DPYD: variants seen among roughly 807,000 people sequenced by gnomAD.
DPYD encodes the protein dihydropyrimidine dehydrogenase [NADP(+)].
Under a neutral mutation model 116.2 loss-of-function variants are expected in DPYD, and 109 were observed. The ratio of observed to expected loss-of-function variants is 0.94; its 90% CI spans 0.80 to 1.10. The LOEUF (loss-of-function observed/expected upper bound fraction) is 1.10. Ranked by LOEUF, DPYD falls within the 50% of genes least tolerant of loss-of-function variation. The probability of loss-of-function intolerance (pLI) is 0.00; values close to 1 mark genes in which losing one functional copy is unlikely to be tolerated. For synonymous variants in DPYD, 440 were observed against 432.0 expected (o/e 1.02, Z -0.23); for missense variants, 1,302 against 1,254.5 (o/e 1.04, Z -0.57).
intron 20 of DPYD, among the ~76,000 whole-genome samples, chr1:97,118,836 T>G (rs976625721): frequency 3.3e-5 from 5 of 152,194 alleles, no homozygotes; most frequent in Non-Finnish European, 5.9e-5. Flanking sequence ...AAAACTTGTT[T>G]GTTTGTCTTT....
At chr1:97,879,217 T>C (rs1437859556) in intron 2 of DPYD, among the ~76,000 whole-genome samples, 2 of 151,960 alleles carry the variant, frequency 1.3e-5, no homozygotes, top group African/African-American at 2.4e-5. Flanking sequence ...TTAAATAAAT[T>C]ACTTCACAAA....
chr1:97,658,482 G>A (rs1475898827), intron 8 of DPYD, among the ~76,000 whole-genome samples: 1 of 152,030 alleles, frequency 6.6e-6, no homozygotes, highest in Non-Finnish European at 1.5e-5. Flanking sequence ...TTAAAACATC[G>A]TGTAATTCGA....
At chr1:97,878,788 A>G (rs1465811954) in intron 2 of DPYD, among the ~76,000 whole-genome samples, 3 of 151,988 alleles carry the variant, frequency 2.0e-5, no homozygotes, top group African/African-American at 7.2e-5. Flanking sequence ...TCTTCCTTCA[A>G]AAGAGTATTA....
intron 20 of DPYD, among the ~76,000 whole-genome samples, chr1:97,130,836 C>CTCCTTCCTTCCT (rs59350272): frequency 0.068 from 4,361 of 64,300 alleles, 154 homozygotes; most frequent in Non-Finnish European, 0.077. Context: ...TTTCTTCTTT[C>CTCCTTCCTTCCT]TCCTTCCTTC....
intron 1 of DPYD, among the ~76,000 whole-genome samples, chr1:97,901,802 C>T (rs1673382251): frequency 6.6e-6 from 1 of 151,744 alleles, no homozygotes; most frequent in Admixed American, 6.6e-5. Flanking sequence ...GTTCACACAT[C>T]TTGTCTAAAA....
At chr1:97,879,706 G>T (rs530419834) in intron 2 of DPYD, among the ~76,000 whole-genome samples, 5 of 151,924 alleles carry the variant, frequency 3.3e-5, no homozygotes, top group African/African-American at 1.2e-4. Flanking sequence ...CCATTCTTAA[G>T]GCACTTTTAC....
intron 18 of DPYD, among the ~76,000 whole-genome samples, chr1:97,298,955 C>T (rs2101014580): frequency 6.6e-6 from 1 of 152,170 alleles, no homozygotes; most frequent in South Asian, 2.1e-4. Context: ...AGGGTCTGGC[C>T]TTTAGAAAAT....
chr1:97,388,904 G>A (rs1252224152), intron 14 of DPYD, among the ~76,000 whole-genome samples: 1 of 152,068 alleles, frequency 6.6e-6, no homozygotes, highest in Admixed American at 6.6e-5. Context: ...AGTACAAGTG[G>A]AGAAAGTGGG....
chr1:97,463,393 T>C (rs4431878), intron 13 of DPYD, among the ~76,000 whole-genome samples: 122,773 of 152,122 alleles, frequency 0.81, 49,739 homozygotes, highest in East Asian at 0.86. Context: ...GTGAGGCCTC[T>C]CTAGCCATGT....
intron 14 of DPYD, among the ~76,000 whole-genome samples, chr1:97,393,263 ATTG>A (rs1672814568): frequency 6.6e-6 from 1 of 151,348 alleles, no homozygotes; most frequent in East Asian, 2.0e-4. Flanking sequence ...CTTAGAGGCC[ATTG>A]TTGAGTTGTT....
chr1:97,688,556 G>A (rs1276647674), intron 7 of DPYD, among the ~76,000 whole-genome samples: 4 of 151,982 alleles, frequency 2.6e-5, no homozygotes, highest in Non-Finnish European at 4.4e-5. Flanking sequence ...TAAAAAAGAT[G>A]TCTCAAGATA....
chr1:97,348,926 C>T (rs1382309703), intron 16 of DPYD, among the ~76,000 whole-genome samples: 1 of 152,142 alleles, frequency 6.6e-6, no homozygotes, highest in South Asian at 2.1e-4. Flanking sequence ...GAGCTGTCAT[C>T]AGAATTCATG....
chr1:97,477,604 C>CTTCTTTTTT (rs1678043959), intron 13 of DPYD, among the ~76,000 whole-genome samples: 1 of 113,676 alleles, frequency 8.8e-6, no homozygotes, highest in African/African-American at 3.4e-5. Context: ...GACTGTTCTT[C>CTTCTTTTTT]TTTTTTTTTT....
At chr1:97,784,272 TAAA>T (rs71071671) in intron 3 of DPYD, among the ~76,000 whole-genome samples, 10 of 101,252 alleles carry the variant, frequency 9.9e-5, no homozygotes, top group African/African-American at 3.0e-4. Context: ...TTCCTTTTTT[TAAA>T]AAAAAAAATT....
At chr1:97,117,587 G>A (rs1570484969) in intron 20 of DPYD, among the ~76,000 whole-genome samples, 2 of 152,236 alleles carry the variant, frequency 1.3e-5, no homozygotes, top group African/African-American at 2.4e-5. Context: ...TTTTAGTGTC[G>A]CTAGAATGTC....
chr1:97,597,496 T>G (rs1437222634), intron 8 of DPYD, among the ~76,000 whole-genome samples: 1 of 152,210 alleles, frequency 6.6e-6, no homozygotes, highest in African/African-American at 2.4e-5. Context: ...CTGTGAAGGT[T>G]AGGGTTAGAT....
At chr1:97,675,772 C>T (rs1314685109) in intron 8 of DPYD, among the ~76,000 whole-genome samples, 19 of 144,570 alleles carry the variant, frequency 1.3e-4, no homozygotes, top group African/African-American at 2.8e-4. Flanking sequence ...TTTTTGTAGA[C>T]GGAGTCTTGC....
intron 20 of DPYD, among the ~76,000 whole-genome samples, chr1:97,139,514 G>C (rs992396264): frequency 6.6e-6 from 1 of 152,108 alleles, no homozygotes; most frequent in African/African-American, 2.4e-5. Context: ...TCTATTCATG[G>C]ATTTAAAAAA....
chr1:97,329,794 C>T (rs1255236572), intron 16 of DPYD, among the ~76,000 whole-genome samples: 1 of 142,344 alleles, frequency 7.0e-6, no homozygotes, highest in Non-Finnish European at 1.5e-5. Context: ...AGACCCCATG[C>T]ATGAATGGCA....
Sources: allele counts gnomAD v4.1 joint callset (sites outside exome capture counted in the v4.1 genomes callset), GRCh38; gene constraint gnomAD v4.1.1; transcripts MANE v1.5; gene names NCBI Gene and HGNC (gene_info 2026-07-23, HGNC 2026-07-21).